The following TMPRSS2 variants were observed in gnomAD, a reference collection of about 807,000 sequenced individuals.
TMPRSS2 encodes the protein transmembrane protease serine 2.
Under a neutral mutation model 67.4 loss-of-function variants are expected in TMPRSS2, and 59 were observed. That is an observed-to-expected ratio of 0.88 (90% CI 0.71 to 1.09). The LOEUF (loss-of-function observed/expected upper bound fraction) is 1.09. TMPRSS2 is among the 50% of genes least tolerant of loss of function. TMPRSS2 has a pLI of 0.00. For synonymous variants in TMPRSS2, 257 were observed against 257.0 expected (o/e 1.00, Z 0.00); for missense variants, 668 against 642.7 (o/e 1.04, Z -0.43).
At position 41,465,987 on chromosome 21, in the gene TMPRSS2, C is replaced by T; in HGVS notation, c.*155G>A. 1.1e-6 allele frequency: 1 copy of T among 907,638 alleles called. No individual in the cohort carries two copies. The highest frequency in any genetic ancestry group is 1.7e-6 in the Non-Finnish European group (1 of 584,078). 56.2% of individuals were successfully genotyped at this position (907,638 alleles called of 1,614,324 possible). On this transcript the variant is annotated 3_prime_UTR_variant, in exon 14 of 14. Coordinates refer to ENST00000332149, the MANE Select transcript of TMPRSS2 (RefSeq NM_005656.4). ...GGCAGGGGAGCCACTGCAGCCTGCA[C>T]AGAATGGCAGAGAGTGCCAAAGCCA...
intron 5 of TMPRSS2, among the ~76,000 whole-genome samples, chr21:41,481,714 T>C (rs558157604): frequency 5.3e-5 from 8 of 152,186 alleles, no homozygotes; most frequent in Non-Finnish European, 1.2e-4. Context: ...AGCACTGAAT[T>C]ATATACTTGA....
chr21:41,493,752 G>A, intron 3 of TMPRSS2, among the ~76,000 whole-genome samples: 1 of 152,210 alleles, frequency 6.6e-6, no homozygotes. Context: ...GAGATGAATG[G>A]TAGGGTGAGG....
intron 1 of TMPRSS2, among the ~76,000 whole-genome samples, chr21:41,507,315 C>G (rs541139957): frequency 3.3e-5 from 5 of 152,266 alleles, no homozygotes; most frequent in African/African-American, 9.6e-5. Flanking sequence ...CCCCCCAACC[C>G]GGCACGGAGC....
chr21:41,476,704 C>A (rs1010193512), intron 7 of TMPRSS2, 84 bp from the exon 8 acceptor site: 1 of 1,193,966 alleles, frequency 8.4e-7, no homozygotes, highest in East Asian at 2.3e-5. Flanking sequence ...TCATTTCTTC[C>A]GATGTTCCCT....
chr21:41,494,018 T>A (rs909212596), intron 3 of TMPRSS2, among the ~76,000 whole-genome samples: 1 of 152,236 alleles, frequency 6.6e-6, no homozygotes, highest in Non-Finnish European at 1.5e-5. Context: ...GCTTACCATT[T>A]ATTCAAGAGC....
rs1270962376 is a variant in TMPRSS2 at position 41,488,465 on chromosome 21, G to A, written c.374C>T (p.Thr125Ile). ...ACACCAGTTAGAGGGGTTGATGCAG[G>A]TACCTGAGGAGTCGCACTCTATCCC... The part of the protein sequence containing the change: ...NSGIECDSSG[T>I]CINPSNWCDG... Residue 125 changes from threonine to isoleucine, a missense_variant, in exon 5 of 14, where the codon ACC becomes ATC. By Grantham distance (89) the Thr-to-Ile change is moderately conservative (BLOSUM62 -1). Transcript: ENST00000332149. The A allele has an allele frequency of 3.1e-6, 5 of 1,613,812 alleles. No homozygotes were observed. The highest frequency in any genetic ancestry group is 1.3e-5 in the African/African-American group (1 of 74,918).
intron 13 of TMPRSS2, among the ~76,000 whole-genome samples, chr21:41,466,520 C>T (rs1185172415): frequency 6.6e-6 from 1 of 152,226 alleles, no homozygotes; most frequent in African/African-American, 2.4e-5. Context: ...GGTGCGAGTC[C>T]GCCCCTCAGC....
chr21:41,497,956 G>A (rs573493693), intron 2 of TMPRSS2, among the ~76,000 whole-genome samples, 163 bp downstream of exon 2: 4 of 152,326 alleles, frequency 2.6e-5, no homozygotes, highest in South Asian at 2.1e-4. Context: ...GTGTGGCTGC[G>A]CACCTGACTC....
At chr21:41,473,565 C>A in intron 8 of TMPRSS2, 69 bp from the exon 9 acceptor site, 2 of 1,500,948 alleles carry the variant, frequency 1.3e-6, no homozygotes, top group Non-Finnish European at 1.8e-6. Context: ...CAGCGCCCGC[C>A]CCTCCCAAGG....
At position 41,465,853 on chromosome 21, in the gene TMPRSS2, A is replaced by G; in HGVS notation, c.*289T>C. The G allele has an allele frequency of 6.4e-6, 3 of 467,818 alleles. No homozygotes were observed. Among genetic ancestry groups the G allele is most frequent in the South Asian group, 4.1e-5 (1 of 24,620 alleles). The allele number at this position is 467,818 out of a possible 1,614,324, so 29.0% of individuals were successfully genotyped here. A position where few individuals can be genotyped will look rare whatever the true frequency, so the allele number is the denominator to read the frequency against. On this transcript the variant is annotated 3_prime_UTR_variant, in exon 14 of 14. Coordinates refer to ENST00000332149, the MANE Select transcript of TMPRSS2 (RefSeq NM_005656.4). Reference sequence around the variant, plus strand: ...TGGCCCCTGGAAAGGACTCAGCAGGAAGATCTCAATGGGGCAGCCTCCACC... The same window carrying G: ...TGGCCCCTGGAAAGGACTCAGCAGGGAGATCTCAATGGGGCAGCCTCCACC...
chr21:41,486,553 C>G (rs1182377581), intron 5 of TMPRSS2: 1 of 152,270 alleles, frequency 6.6e-6, no homozygotes, highest in African/African-American at 2.4e-5. Context: ...CCACCTCGGC[C>G]TCCCAAAGTG....
intron 5 of TMPRSS2, among the ~76,000 whole-genome samples, chr21:41,481,747 T>A (rs1351132220): frequency 1.3e-5 from 2 of 152,090 alleles, no homozygotes; most frequent in Non-Finnish European, 2.9e-5. Flanking sequence ...ATAAATTAGA[T>A]CTCAATAAGC....
intron 9 of TMPRSS2, among the ~76,000 whole-genome samples, chr21:41,472,264 G>T (rs1044940851): frequency 2.0e-5 from 3 of 152,102 alleles, no homozygotes; most frequent in Non-Finnish European, 4.4e-5. Context: ...CCTCCCTGGG[G>T]TTTCAAGGCC....
At chr21:41,471,718 T>C in intron 10 of TMPRSS2, 88 bp downstream of exon 10, 1 of 1,447,570 alleles carries the variant, frequency 6.9e-7, no homozygotes, top group Non-Finnish European at 9.3e-7. Context: ...AATGCCTCCC[T>C]TCCATTTGGC....
rs368735421 is a variant in TMPRSS2 at position 41,475,982 on chromosome 21, C to T, written c.727+595G>A. 2.3e-3 allele frequency among the ~76,000 whole-genome samples: 351 copies of T among 152,122 alleles called. 1 individual carries two copies. The highest frequency in any genetic ancestry group is 6.8e-3 in the Middle Eastern group (2 of 294). On this transcript the variant is annotated intron_variant, in intron 8 of 13. Coordinates refer to ENST00000332149, the MANE Select transcript of TMPRSS2 (RefSeq NM_005656.4). ...GCTCAGGACCACGGCCCCACGACAGCACTGGGCCATCCCAGAGGAGAGGGA... is the reference window on the plus strand; with the variant it reads ...GCTCAGGACCACGGCCCCACGACAGTACTGGGCCATCCCAGAGGAGAGGGA...
chr21:41,473,528 G>T, intron 8 of TMPRSS2, 32 bp from the exon 9 acceptor site: 2 of 1,580,390 alleles, frequency 1.3e-6, no homozygotes, highest in East Asian at 2.3e-5. Flanking sequence ...CCAGTGGGGT[G>T]AGACCAGCAG....
At chr21:41,506,168 G>A (rs1238251965) in intron 1 of TMPRSS2, among the ~76,000 whole-genome samples, 4 of 152,202 alleles carry the variant, frequency 2.6e-5, no homozygotes, top group Admixed American at 6.5e-5. Context: ...CTAGCAACCT[G>A]GGAGGCCCTG....
At chr21:41,476,111 A>C (rs2146443998) in intron 8 of TMPRSS2, among the ~76,000 whole-genome samples, 2 of 152,290 alleles carry the variant, frequency 1.3e-5, no homozygotes, top group South Asian at 4.1e-4. Flanking sequence ...AGGAGAGAAG[A>C]GGCAAGAGCA....
In TMPRSS2 at chr21:41,464,355, T is replaced by C. The variant is rs1394849600; in HGVS notation, c.*1787A>G. 1.3e-5 allele frequency among the ~76,000 whole-genome samples: 2 copies of C among 152,148 alleles called. No individual in the cohort carries two copies. Among genetic ancestry groups the C allele is most frequent in the East Asian group, 3.9e-4 (2 of 5,192 alleles). On this transcript the variant is annotated 3_prime_UTR_variant, in exon 14 of 14. Transcript: ENST00000332149. ...TATTAGGAGCATGGAAACAGACTAA[T>C]AGAATAATAAGAAGGAGTCATTTGA...
Sources: allele counts gnomAD v4.1 joint callset (sites outside exome capture counted in the v4.1 genomes callset), GRCh38; gene constraint gnomAD v4.1.1; transcripts MANE v1.5; gene names NCBI Gene and HGNC (gene_info 2026-07-23, HGNC 2026-07-21).